IQSEC1: variants seen among roughly 807,000 people sequenced by gnomAD.
IQSEC1 encodes the protein IQ motif and Sec7 domain ArfGEF 1, also known as IQ motif and SEC7 domain-containing protein 1.
Under a neutral mutation model 91.0 loss-of-function variants are expected in IQSEC1, and 31 were observed. The ratio of observed to expected loss-of-function variants is 0.34; its 90% CI spans 0.26 to 0.46. IQSEC1 has a LOEUF of 0.46. Ranked by LOEUF, IQSEC1 falls within the 20% of genes least tolerant of loss-of-function variation. The probability of loss-of-function intolerance (pLI) is 1.00; values close to 1 mark genes in which losing one functional copy is unlikely to be tolerated. For synonymous variants in IQSEC1, 699 were observed against 662.6 expected (o/e 1.05, Z -0.84); for missense variants, 1,388 against 1,575.6 (o/e 0.88, Z 2.02).
At chr3:13,233,377 G>A (rs1694868395) in intron 1 of IQSEC1, among the ~76,000 whole-genome samples, 1 of 152,176 alleles carries the variant, frequency 6.6e-6, no homozygotes, top group East Asian at 1.9e-4. Context: ...TCACCACTTT[G>A]CCTGCTCACT....
chr3:13,178,934 C>T (rs558072333), intron 1 of IQSEC1, among the ~76,000 whole-genome samples: 1 of 152,246 alleles, frequency 6.6e-6, no homozygotes, highest in South Asian at 2.1e-4. Context: ...TCGGTCATCC[C>T]AAAAAAGTAT....
chr3:13,013,625 C>T (rs1702987944), intron 1 of IQSEC1, among the ~76,000 whole-genome samples: 1 of 152,188 alleles, frequency 6.6e-6, no homozygotes, highest in Non-Finnish European at 1.5e-5. Context: ...CTTCCTCTGC[C>T]CTACTCTCCT....
chr3:13,263,783 C>T (rs886779173), intron 1 of IQSEC1, among the ~76,000 whole-genome samples: 3 of 152,114 alleles, frequency 2.0e-5, no homozygotes, highest in Non-Finnish European at 4.4e-5. Flanking sequence ...CCCAGTGCCC[C>T]GTCCCTGCCA....
intron 1 of IQSEC1, among the ~76,000 whole-genome samples, chr3:13,167,077 C>CTGTATG (rs1189962421): frequency 6.6e-6 from 1 of 152,070 alleles, no homozygotes; most frequent in East Asian, 1.9e-4. Flanking sequence ...GTGGGTGTGC[C>CTGTATG]TGTATGTGCG....
intron 2 of IQSEC1, among the ~76,000 whole-genome samples, chr3:13,092,266 C>CTCAG (rs1430273001): frequency 6.6e-6 from 1 of 152,160 alleles, no homozygotes. Context: ...CCATAAAGTG[C>CTCAG]TCAGGGAAGT....
Position 12,924,462 on chromosome 3 carries a change from G to C in IQSEC1, c.1730+119C>G, listed in dbSNP as rs1575923738. The C allele has an allele frequency of 9.8e-7, 1 of 1,019,694 alleles. No individual in the cohort carries two copies. Among genetic ancestry groups the C allele is most frequent in the Non-Finnish European group, 1.4e-6 (1 of 715,868 alleles). 63.2% of individuals were successfully genotyped at this position (1,019,694 alleles called of 1,614,324 possible). A position where few individuals can be genotyped will look rare whatever the true frequency, so the allele number is the denominator to read the frequency against. On this transcript the variant is annotated intron_variant, in intron 4 of 13. Coordinates refer to ENST00000613206, the MANE Select transcript of IQSEC1 (RefSeq NM_001134382.3). This position sits in a 1 kb window ranked among gnomAD's most constrained non-coding sequence, Gnocchi z 6.3. Reference sequence around the variant, plus strand: ...AGGACTTAGGAAGAGAGAAAGGGGGGCCCACCACATGTCCCAGCAAGTAGG... The same window carrying C: ...AGGACTTAGGAAGAGAGAAAGGGGGCCCCACCACATGTCCCAGCAAGTAGG...
chr3:13,000,203 G>T lies in IQSEC1; in HGVS notation c.24-58338C>A, dbSNP rs187432155. On this transcript the variant is annotated intron_variant, in intron 1 of 13. Transcript: ENST00000613206. ...TTTGACCAGGTAGTTCAGTGAAAAA[G>T]AAATACAAATGGCCTGTAAACATTC... 1.1e-3 allele frequency among the ~76,000 whole-genome samples: 170 copies of T among 152,230 alleles called. 1 individual carries two copies. Among genetic ancestry groups the T allele is most frequent in the African/African-American group, 3.7e-3 (152 of 41,512 alleles).
chr3:12,928,740 G>A (rs1278561852), intron 3 of IQSEC1, among the ~76,000 whole-genome samples: 1 of 152,168 alleles, frequency 6.6e-6, no homozygotes, highest in Non-Finnish European at 1.5e-5. Flanking sequence ...CACACAGGTC[G>A]AAGGTGGGCC....
chr3:13,010,257 T>A (rs554033467), intron 1 of IQSEC1, among the ~76,000 whole-genome samples: 10 of 152,320 alleles, frequency 6.6e-5, no homozygotes, highest in Admixed American at 6.5e-4. Context: ...CCATTCTCAC[T>A]TCCGGTAAGA....
chr3:12,962,013 C>A (rs898349131), intron 1 of IQSEC1, among the ~76,000 whole-genome samples: 1 of 152,230 alleles, frequency 6.6e-6, no homozygotes, highest in Non-Finnish European at 1.5e-5. Flanking sequence ...CAAATGACTA[C>A]AAGGATCAAG....
chr3:13,018,100 C>T (rs1019621936), intron 1 of IQSEC1, among the ~76,000 whole-genome samples: 5 of 152,148 alleles, frequency 3.3e-5, no homozygotes, highest in Admixed American at 6.5e-5. Flanking sequence ...TGGGTGGCAG[C>T]GAGCACCGCA....
At position 12,899,140 on chromosome 3, in the gene IQSEC1, A is replaced by G. The variant is rs1049175741; in HGVS notation, c.*1843T>C. On this transcript the variant is annotated 3_prime_UTR_variant, in exon 14 of 14. Transcript: ENST00000613206. ...GGTTTGCAGATTTGCTGGTACGGTG[A>G]TCTCAATGATATGACCGAGGGTGGG... 10 of 548,200 alleles carry G rather than the reference A, an allele frequency of 1.8e-5. No homozygotes were observed. The allele number at this position is 548,200 out of a possible 1,614,324, so 34.0% of individuals were successfully genotyped here.
intron 1 of IQSEC1, among the ~76,000 whole-genome samples, chr3:13,066,780 C>T (rs76562306): frequency 0.016 from 2,512 of 152,344 alleles, 61 homozygotes; most frequent in African/African-American, 0.054. Context: ...TGTCCCTTCT[C>T]TGGGCGGTAG....
At chr3:12,989,215 GGTCTCTTT>G (rs1701879470) in intron 1 of IQSEC1, among the ~76,000 whole-genome samples, 1 of 152,166 alleles carries the variant, frequency 6.6e-6, no homozygotes, top group Non-Finnish European at 1.5e-5. Context: ...CATGGCTTTC[GGTCTCTTT>G]TGCTCCAGTG....
At position 12,938,470 on chromosome 3, in the gene IQSEC1, G is replaced by T. The variant is rs562667105; in HGVS notation, c.319-1773C>A. On this transcript the variant is annotated intron_variant, in intron 2 of 13. Transcript: ENST00000613206. ...CAGGCTGGGTGGAGGAGAAGAGCTG[G>T]GGGGGCTTGAGGGGAGCAGATCAAA... Among the ~76,000 whole-genome samples the T allele has an allele frequency of 3.1e-4, 47 of 152,186 alleles. 1 individual carries two copies. Among genetic ancestry groups the T allele is most frequent in the Non-Finnish European group, 4.4e-5 (3 of 68,032 alleles).
intron 2 of IQSEC1, among the ~76,000 whole-genome samples, chr3:13,132,343 G>C (rs1376541157): frequency 6.6e-6 from 1 of 152,164 alleles, no homozygotes; most frequent in African/African-American, 2.4e-5. Flanking sequence ...CTCTACTTTT[G>C]AGGGCCAGGC....
chr3:13,024,121 C>A lies in IQSEC1; in HGVS notation c.23+48871G>T, dbSNP rs561539696. Among the ~76,000 whole-genome samples, 205 of 152,322 alleles carry A rather than the reference C, an allele frequency of 1.3e-3. 1 individual carries two copies. Among genetic ancestry groups the A allele is most frequent in the African/African-American group, 4.9e-3 (204 of 41,570 alleles). On this transcript the variant is annotated intron_variant, in intron 1 of 13. Coordinates refer to ENST00000613206, the MANE Select transcript of IQSEC1 (RefSeq NM_001134382.3). ...CCATTCAAATGTTTATCTGGCCTGT[C>A]CTCCTAGTAGGGGAAGTTTTCACAA...
chr3:12,909,355 G>A lies in IQSEC1; in HGVS notation c.2496C>T (p.Asn832=). Residue 832 remains asparagine, a synonymous_variant, in exon 11 of 14, where the codon AAC becomes AAT. Transcript: ENST00000613206. The surrounding 1 kb of genome is among the most constrained non-coding windows in gnomAD (Gnocchi z 4.9). ...CGGTGAATTTCTTCCGGTCTTGAGG[G>A]TTGGGGGCGTTGAAGTTTATTAACA... ...IKVLINFNAP[N]PQDRKKFTDD... 8 of 1,614,228 alleles carry A rather than the reference G, an allele frequency of 5.0e-6. No homozygotes were observed. Among genetic ancestry groups the A allele is most frequent in the Non-Finnish European group, 6.8e-6 (8 of 1,180,038 alleles).
At chr3:12,999,246 A>G (rs1702332769) in intron 1 of IQSEC1, among the ~76,000 whole-genome samples, 1 of 152,128 alleles carries the variant, frequency 6.6e-6, no homozygotes, top group South Asian at 2.1e-4. Flanking sequence ...CTCTGATGCC[A>G]TACCAGCTCC....
Sources: gnomAD v4.1 joint callset for allele counts (sites outside exome capture counted in the v4.1 genomes callset) on GRCh38, gnomAD v4.1.1 for gene constraint, Gnocchi (gnomAD v3.1) non-coding constraint, MANE v1.5 for transcripts, NCBI Gene and HGNC (gene_info 2026-07-23, HGNC 2026-07-21) for gene names.